The following TAF8 variants were observed in gnomAD, a reference collection of about 807,000 sequenced individuals.
TAF8 encodes the protein TATA-box binding protein associated factor 8, also known as transcription initiation factor TFIID subunit 8.
A neutral mutation model predicts 36.5 loss-of-function variants in TAF8; 47 were observed. The observed-to-expected ratio is 1.29, with a 90% CI of 1.02 to 1.64. The LOEUF (loss-of-function observed/expected upper bound fraction) is 1.64. TAF8 is among the 40% of genes most tolerant of loss of function. The pLI, the probability that TAF8 is intolerant of heterozygous loss-of-function variation, is 0.00. For synonymous variants in TAF8, 175 were observed against 159.5 expected, an observed-to-expected ratio of 1.10 and a Z score of -0.73; for missense variants, 420 against 407.6, an observed-to-expected ratio of 1.03 and a Z score of -0.26.
rs797010780 is a variant in TAF8, at chr6:42,072,726, TTTG to T, written c.780+4122_780+4124del. On this transcript the variant is annotated intron_variant, in intron 7 of 8. Transcript: ENST00000372977. ...GCAAAGTAAATAACTGGTTTTTTTG[TTTG>T]TTTTTTTTTTTGAGACCGAGTCTCG... Among the ~76,000 whole-genome samples, 440 of 151,794 alleles carry T rather than the reference TTTG, an allele frequency of 2.9e-3. 2 individuals are homozygous for T. Among genetic ancestry groups the T allele is most frequent in the African/African-American group, 8.1e-3 (334 of 41,300 alleles).
downstream of TAF8, among the ~76,000 whole-genome samples, chr6:42,084,097 C>T (rs989285729): frequency 2.0e-5 from 3 of 151,170 alleles, no homozygotes; most frequent in Admixed American, 6.6e-5. Context: ...AGGAGAATGG[C>T]CTGAACCCGG....
rs1178716712 is a variant in TAF8, at chr6:42,082,367, C to CT, written c.*4823dup. The CT allele has an allele frequency of 1.3e-5, 2 of 152,256 alleles. No individual in the cohort carries two copies. Among genetic ancestry groups the CT allele is most frequent in the African/African-American group, 4.8e-5 (2 of 41,466 alleles). The allele number at this position is 152,256 out of a possible 1,614,324, so 9.4% of individuals were successfully genotyped here. ...TTTCTTTTTGAGACAGAGTCTTGCT[C>CT]TATCGCCTAGGCTGGATGGAGTGCA... On this transcript the variant is annotated 3_prime_UTR_variant, in exon 9 of 9. Coordinates refer to ENST00000372977, the MANE Select transcript of TAF8 (RefSeq NM_138572.3).
Position 42,077,819 on chromosome 6 carries a change from G to A in TAF8, c.*274G>A. 1 of 1,180,122 alleles carries A rather than the reference G, an allele frequency of 8.5e-7. No individual in the cohort carries two copies. The highest frequency in any genetic ancestry group is 3.7e-5 in the East Asian group (1 of 26,710). The allele number at this position is 1,180,122 out of a possible 1,614,324, so 73.1% of individuals were successfully genotyped here. ...CACCCAGGCTGGAATGCAGTGGTGTGATCTCAGCTCACTGCAGTCTCAGCA... is the reference window on the plus strand; with the variant it reads ...CACCCAGGCTGGAATGCAGTGGTGTAATCTCAGCTCACTGCAGTCTCAGCA... On this transcript the variant is annotated 3_prime_UTR_variant, in exon 9 of 9. Coordinates refer to ENST00000372977, the MANE Select transcript of TAF8 (RefSeq NM_138572.3).
At chr6:42,071,897 G>A (rs560153184) in intron 7 of TAF8, among the ~76,000 whole-genome samples, 1 of 152,190 alleles carries the variant, frequency 6.6e-6, no homozygotes, top group Admixed American at 6.5e-5. Flanking sequence ...TGAGGTCATG[G>A]TGGTAATTGA....
intron 1 of TAF8, 83 bp downstream of exon 1, chr6:42,050,669 C>A: frequency 1.4e-6 from 2 of 1,430,150 alleles, no homozygotes; most frequent in Middle Eastern, 1.8e-4. Flanking sequence ...CAAGATAATG[C>A]CCAGAAATTC....
Position 42,051,635 on chromosome 6 carries a change from ATTTTT to A in TAF8, c.202+126_202+130del, listed in dbSNP as rs369742451. The A allele has an allele frequency of 1.3e-4, 155 of 1,199,182 alleles. No individual in the cohort carries two copies. The East Asian group carries it at 1.9e-3, about 15-fold the overall frequency. The allele number at this position is 1,199,182 out of a possible 1,614,324, so 74.3% of individuals were successfully genotyped here. A position where few individuals can be genotyped will look rare whatever the true frequency, so the allele number is the denominator to read the frequency against. On this transcript the variant is annotated intron_variant, in intron 2 of 8. Transcript: ENST00000372977. ...TTTTTCTTAAGAGGGGAGAAAAAAA[ATTTTT>A]TTTAATGTAAAAAGTTGAGAAAAGA... is the stretch of plus-strand genomic sequence containing the variant.
Position 42,077,837 on chromosome 6 carries a change from T to C in TAF8, c.*292T>C, listed in dbSNP as rs1446141080. The C allele has an allele frequency of 3.0e-6, 3 of 995,432 alleles. No homozygotes were observed. In the East Asian group the frequency reaches 1.4e-4, roughly 46 times the overall value. The allele number at this position is 995,432 out of a possible 1,614,324, so 61.7% of individuals were successfully genotyped here. A position where few individuals can be genotyped will look rare whatever the true frequency, so the allele number is the denominator to read the frequency against. ...GTGGTGTGATCTCAGCTCACTGCAGTCTCAGCAACCCTGGGTCCAAGTGAT... is the reference window on the plus strand; with the variant it reads ...GTGGTGTGATCTCAGCTCACTGCAGCCTCAGCAACCCTGGGTCCAAGTGAT... On this transcript the variant is annotated 3_prime_UTR_variant, in exon 9 of 9. Transcript: ENST00000372977.
Position 42,050,557 on chromosome 6 carries a change from G to A in TAF8, c.16G>A (p.Ala6Thr), listed in dbSNP as rs1287003435. Residue 6 changes from alanine to threonine, a missense_variant, in exon 1 of 9, where the codon GCC becomes ACC. Transcript: ENST00000372977. ...CCAGAACAAGATGGCCGACGCGGCG[G>A]CCACAGCTGGGGCCGGTGGCTCCGG... is the stretch of plus-strand genomic sequence containing the variant. The part of the protein sequence containing the change: MADAA[A>T]TAGAGGSGTR... The A allele has an allele frequency of 7.7e-6, 12 of 1,556,018 alleles. No individual in the cohort carries two copies. The highest frequency in any genetic ancestry group is 6.8e-5 in the African/African-American group (5 of 73,614).
downstream of TAF8, among the ~76,000 whole-genome samples, chr6:42,083,737 G>C (rs529045437): frequency 6.6e-6 from 1 of 152,272 alleles, no homozygotes; most frequent in Admixed American, 6.5e-5. Context: ...CTCTTTCTGG[G>C]CTGGGACTTC....
chr6:42,056,266 A>T (rs1764985155), intron 4 of TAF8: 3 of 366,490 alleles, frequency 8.2e-6, no homozygotes, highest in Non-Finnish European at 1.5e-5. Context: ...AGGGCAAATG[A>T]TGCTGCTTGG....
At chr6:42,051,314 G>A (rs373239975) in intron 1 of TAF8, 43 bp from the exon 2 acceptor site, 47 of 1,583,910 alleles carry the variant, frequency 3.0e-5, no homozygotes, top group Non-Finnish European at 3.5e-5. Flanking sequence ...CTATGTGATT[G>A]CATCCTTCTC....
intron 1 of TAF8, 66 bp from the exon 2 acceptor site, chr6:42,051,291 G>C: frequency 7.0e-7 from 1 of 1,425,714 alleles, no homozygotes; most frequent in Non-Finnish European, 9.5e-7. Flanking sequence ...GCTTGCCGTT[G>C]ACCACGTATG....
In TAF8 at chr6:42,082,735, AT is replaced by A. The variant is rs1007957405; in HGVS notation, c.*5192del. On this transcript the variant is annotated 3_prime_UTR_variant, in exon 9 of 9. Transcript: ENST00000372977. ...GTGTATCAGTAGTTCCTTTCTTTTTATTGCTGAGTAGCATGGAGGCACCATA... is the reference window on the plus strand; with the variant it reads ...GTGTATCAGTAGTTCCTTTCTTTTTATGCTGAGTAGCATGGAGGCACCATA... The A allele has an allele frequency of 3.3e-5, 5 of 152,078 alleles. No individual in the cohort carries two copies. Among genetic ancestry groups the A allele is most frequent in the Middle Eastern group, 3.2e-3 (1 of 316 alleles). The allele number at this position is 152,078 out of a possible 1,614,324, so 9.4% of individuals were successfully genotyped here. A position where few individuals can be genotyped will look rare whatever the true frequency, so the allele number is the denominator to read the frequency against.
intron 4 of TAF8, 178 bp downstream of exon 4, chr6:42,056,192 T>A: frequency 1.8e-6 from 1 of 549,334 alleles, no homozygotes; most frequent in South Asian, 2.1e-5. Flanking sequence ...GCATGTGAAA[T>A]TCAGTCACCA....
intron 7 of TAF8, among the ~76,000 whole-genome samples, chr6:42,071,697 A>G (rs1765583416): frequency 6.6e-6 from 1 of 152,024 alleles, no homozygotes. Flanking sequence ...ATGGCTTTAA[A>G]TAAAGCAGAG....
chr6:42,062,006 T>C (rs1765206374), intron 5 of TAF8, among the ~76,000 whole-genome samples: 1 of 152,210 alleles, frequency 6.6e-6, no homozygotes, highest in Admixed American at 6.5e-5. Flanking sequence ...CAAGACTCGA[T>C]GAAGATAGCA....
At chr6:42,056,691 T>C (rs527664285) in intron 4 of TAF8, among the ~76,000 whole-genome samples, 4 of 152,168 alleles carry the variant, frequency 2.6e-5, no homozygotes, top group Admixed American at 6.5e-5. Flanking sequence ...CTGCAACCTC[T>C]GCCTCCGAGG....
chr6:42,066,116 G>A (rs1026337629), intron 5 of TAF8, among the ~76,000 whole-genome samples, 196 bp from the exon 6 acceptor site: 2 of 152,166 alleles, frequency 1.3e-5, no homozygotes, highest in African/African-American at 4.8e-5. Flanking sequence ...GGCCAGGCTG[G>A]TCTCAAACTC....
chr6:42,085,416 G>A (rs562392539), downstream of TAF8, among the ~76,000 whole-genome samples: 66 of 152,320 alleles, frequency 4.3e-4, no homozygotes, highest in Non-Finnish European at 8.2e-4. Flanking sequence ...GCTATGGTCT[G>A]AATGTTTGTG....
Sources: gnomAD v4.1 joint callset for allele counts (sites outside exome capture counted in the v4.1 genomes callset) on GRCh38, gnomAD v4.1.1 for gene constraint, MANE v1.5 for transcripts, NCBI Gene and HGNC (gene_info 2026-07-23, HGNC 2026-07-21) for gene names.